The following PSME3IP1 variants were observed in gnomAD, a reference collection of about 807,000 sequenced individuals.
PSME3IP1 encodes the protein PSME3-interacting protein.
Under a neutral mutation model 34.1 loss-of-function variants are expected in PSME3IP1, and 13 were observed. The ratio of observed to expected loss-of-function variants is 0.38; its 90% CI spans 0.25 to 0.61. PSME3IP1 has a LOEUF of 0.61. Among genes scored for constraint, PSME3IP1 ranks in the 20% least tolerant of loss-of-function variants. The probability of loss-of-function intolerance (pLI) is 0.60; values close to 1 mark genes in which losing one functional copy is unlikely to be tolerated. For synonymous variants in PSME3IP1, 93 were observed against 114.3 expected (o/e 0.81, Z 1.19); for missense variants, 237 against 301.4 (o/e 0.79, Z 1.58).
At position 57,152,682 on chromosome 16, in the gene PSME3IP1, T is replaced by A. The variant is rs1292683215; in HGVS notation, c.*1608A>T. 2.0e-5 allele frequency: 3 copies of A among 152,666 alleles called. No homozygotes were observed. Among genetic ancestry groups the A allele is most frequent in the African/African-American group, 2.4e-5 (1 of 41,460 alleles). 9.5% of individuals were successfully genotyped at this position (152,666 alleles called of 1,614,324 possible). ...ACATGCTGTAATAACAACAGGACTA[T>A]CACAGGAACAATGAAGCAGAGAAGC... On this transcript the variant is annotated 3_prime_UTR_variant, in exon 7 of 7. Transcript: ENST00000309137.
At chr16:57,166,010 A>G (rs1393954799) in intron 5 of PSME3IP1, among the ~76,000 whole-genome samples, 1 of 152,158 alleles carries the variant, frequency 6.6e-6, no homozygotes, top group Non-Finnish European at 1.5e-5. Flanking sequence ...CTTATGTGAG[A>G]ACTTGAAAGG....
At chr16:57,159,605 G>A (rs1208463837) in intron 6 of PSME3IP1, among the ~76,000 whole-genome samples, 1 of 152,190 alleles carries the variant, frequency 6.6e-6, no homozygotes, top group Non-Finnish European at 1.5e-5. Context: ...GCAAGCTTCA[G>A]GGAGCGTTCT....
intron 4 of PSME3IP1, among the ~76,000 whole-genome samples, chr16:57,167,594 T>C (rs1467205481): frequency 3.3e-5 from 5 of 152,236 alleles, no homozygotes; most frequent in African/African-American, 1.2e-4. Context: ...GAAAACATGC[T>C]TCCCCCTTCA....
At position 57,172,237 on chromosome 16, in the gene PSME3IP1, A is replaced by G. The variant is rs1181781894; in HGVS notation, c.348+14T>C. On this transcript the variant is annotated intron_variant, in intron 4 of 6. Transcript: ENST00000309137. ...TGGACACCTTACAGGTTTTCCTCCA[A>G]GTACAAAGGATATTCTGTATTCCTT... 1 of 1,611,794 alleles carries G rather than the reference A, an allele frequency of 6.2e-7. No homozygotes were observed. Among genetic ancestry groups the G allele is most frequent in the African/African-American group, 1.3e-5 (1 of 74,932 alleles).
intron 6 of PSME3IP1, among the ~76,000 whole-genome samples, chr16:57,162,812 A>G (rs2071415608): frequency 6.6e-6 from 1 of 152,172 alleles, no homozygotes; most frequent in Non-Finnish European, 1.5e-5. Flanking sequence ...ATAATAAAGC[A>G]TTTAAAAGAT....
In PSME3IP1 at chr16:57,154,329, G is replaced by C; in HGVS notation, c.726C>G (p.Ser242=). 2 of 1,614,046 alleles carry C rather than the reference G, an allele frequency of 1.2e-6. No homozygotes were observed. The highest frequency in any genetic ancestry group is 2.2e-5 in the South Asian group (2 of 91,076). ...GTINATGKIV[S]SIFRTNTFLE... ...GGAAGGTGTTGGTTCGGAAGATGGAGGAGACAATCTTTCCGGTGGCATTGA... is the reference window on the plus strand; with the variant it reads ...GGAAGGTGTTGGTTCGGAAGATGGACGAGACAATCTTTCCGGTGGCATTGA... The change falls in exon 7 of 7, where the codon TCC becomes TCG. Residue 242 remains serine, a synonymous_variant. Coordinates refer to ENST00000309137, the MANE Select transcript of PSME3IP1 (RefSeq NM_024946.4). This position sits in a 1 kb window ranked among gnomAD's most constrained non-coding sequence, Gnocchi z 4.0.
intron 1 of PSME3IP1, among the ~76,000 whole-genome samples, chr16:57,178,120 T>C (rs902314582): frequency 5.9e-5 from 9 of 152,258 alleles, no homozygotes; most frequent in South Asian, 2.1e-4. Context: ...TTAAAAAGAC[T>C]AGACTAAAAC....
intron 1 of PSME3IP1, among the ~76,000 whole-genome samples, chr16:57,182,725 C>G (rs1382372390): frequency 6.9e-6 from 1 of 145,768 alleles, no homozygotes; most frequent in Non-Finnish European, 1.5e-5. Flanking sequence ...GCCTGACCAA[C>G]ATGGTGAAAC....
intron 2 of PSME3IP1, among the ~76,000 whole-genome samples, chr16:57,173,081 T>C (rs1169722509): frequency 6.6e-6 from 1 of 152,220 alleles, no homozygotes; most frequent in Admixed American, 6.5e-5. Flanking sequence ...AAGCCAACTA[T>C]CAATGTCAAT....
At chr16:57,165,708 G>A (rs891170883) in intron 5 of PSME3IP1, among the ~76,000 whole-genome samples, 1 of 151,986 alleles carries the variant, frequency 6.6e-6, no homozygotes, top group Admixed American at 6.6e-5. Context: ...CTCAGGGTCG[G>A]ACAGATTAGG....
intron 6 of PSME3IP1, among the ~76,000 whole-genome samples, chr16:57,156,848 G>A (rs1309685001): frequency 6.6e-6 from 1 of 152,216 alleles, no homozygotes; most frequent in African/African-American, 2.4e-5. Flanking sequence ...AACTTCATTT[G>A]CTGTTCAGGG....
At chr16:57,173,357 T>C (rs535097180) in intron 2 of PSME3IP1, among the ~76,000 whole-genome samples, 7 of 152,170 alleles carry the variant, frequency 4.6e-5, no homozygotes, top group Admixed American at 4.6e-4. Flanking sequence ...TGGCCAGGCA[T>C]GGTGGCTCAC....
At chr16:57,172,069 C>T (rs1374119158) in intron 4 of PSME3IP1, among the ~76,000 whole-genome samples, 182 bp downstream of exon 4, 1 of 152,144 alleles carries the variant, frequency 6.6e-6, no homozygotes, top group East Asian at 1.9e-4. Flanking sequence ...AACACTCTTG[C>T]ACACAACACA....
chr16:57,185,962 GA>G lies in PSME3IP1; in HGVS notation c.-158del, dbSNP rs796776400. The G allele has an allele frequency of 3.0e-3, 2,164 of 725,474 alleles. 14 individuals are homozygous for G. Among genetic ancestry groups the G allele is most frequent in the African/African-American group, 0.026 (1,315 of 50,842 alleles). 44.9% of individuals were successfully genotyped at this position (725,474 alleles called of 1,614,324 possible). Reference sequence around the variant, plus strand: ...CAGAGGAAGGAATGAATGAAAGAAAGAAAAAAAAAAAGAAAATAGCCTTTGC... The same window carrying G: ...CAGAGGAAGGAATGAATGAAAGAAAGAAAAAAAAAAGAAAATAGCCTTTGC... On this transcript the variant is annotated 5_prime_UTR_variant, in exon 1 of 7. Transcript: ENST00000309137.
intron 5 of PSME3IP1, among the ~76,000 whole-genome samples, chr16:57,165,881 GACC>G (rs1422274521): frequency 1.3e-5 from 2 of 152,000 alleles, no homozygotes; most frequent in Non-Finnish European, 2.9e-5. Flanking sequence ...CCCATTCTGC[GACC>G]ACCAAGAGCA....
chr16:57,170,904 C>T (rs1194358237), intron 4 of PSME3IP1, among the ~76,000 whole-genome samples: 1 of 152,150 alleles, frequency 6.6e-6, no homozygotes, highest in African/African-American at 2.4e-5. Flanking sequence ...GAAACCTCGT[C>T]TCTACTAAAA....
chr16:57,161,905 T>G (rs2071291285), intron 6 of PSME3IP1, among the ~76,000 whole-genome samples: 1 of 152,170 alleles, frequency 6.6e-6, no homozygotes. Flanking sequence ...ACTGTGATTA[T>G]TATTATTATT....
chr16:57,168,181 G>T (rs1280344768), intron 4 of PSME3IP1, among the ~76,000 whole-genome samples: 6 of 152,188 alleles, frequency 3.9e-5, no homozygotes. Context: ...TGGAACAATA[G>T]TGACATCTAG....
chr16:57,177,078 C>A (rs7185016), intron 1 of PSME3IP1, among the ~76,000 whole-genome samples: 1 of 152,114 alleles, frequency 6.6e-6, no homozygotes. Context: ...TGGTCTCGAA[C>A]TCCTGACCTC....
Sources: gnomAD v4.1 joint callset for allele counts (sites outside exome capture counted in the v4.1 genomes callset) on GRCh38, gnomAD v4.1.1 for gene constraint, Gnocchi (gnomAD v3.1) non-coding constraint, MANE v1.5 for transcripts, NCBI Gene and HGNC (gene_info 2026-07-23, HGNC 2026-07-21) for gene names.